RBM39: variants seen among roughly 807,000 people sequenced by gnomAD.
RBM39 encodes the protein RNA binding motif protein 39, also known as RNA-binding protein 39.
RBM39 carries 12 observed loss-of-function variants against 79.6 expected under a neutral mutation model. The ratio of observed to expected loss-of-function variants is 0.15; its 90% CI spans 0.10 to 0.24. The LOEUF is 0.24. Among genes scored for constraint, RBM39 ranks in the 10% least tolerant of loss-of-function variants. The pLI, the probability that RBM39 is intolerant of heterozygous loss-of-function variation, is 1.00. For synonymous variants in RBM39, 185 were observed against 208.4 expected (o/e 0.89, Z 0.97); for missense variants, 243 against 653.4 (o/e 0.37, Z 6.85).
chr20:35,726,830 C>T (rs1600545869), intron 6 of RBM39, among the ~76,000 whole-genome samples: 1 of 151,724 alleles, frequency 6.6e-6, no homozygotes, highest in Admixed American at 6.6e-5. Context: ...GTCACAAAAG[C>T]TTTTTTTTCT....
intron 3 of RBM39, chr20:35,735,217 G>A (rs769364326): frequency 5.7e-5 from 71 of 1,254,636 alleles, no homozygotes; most frequent in African/African-American, 1.8e-4. Context: ...AGAGCTTAAC[G>A]GAATGGACGC....
At chr20:35,718,774 T>C (rs1433998130) in intron 9 of RBM39, among the ~76,000 whole-genome samples, 10 of 143,778 alleles carry the variant, frequency 7.0e-5, no homozygotes, top group Non-Finnish European at 1.3e-4. Flanking sequence ...GATCATGCCA[T>C]TGCACTCCAG....
chr20:35,724,996 CAAT>C, intron 7 of RBM39, 39 bp downstream of exon 7: 2 of 1,349,004 alleles, frequency 1.5e-6, no homozygotes, highest in Non-Finnish European at 2.1e-6. Context: ...TTTTCTCTTG[CAAT>C]TTCTACCTAC....
chr20:35,705,129 TGGAA>T lies in RBM39; in HGVS notation c.1413+92_1413+95del, dbSNP rs1185618235. 7 of 753,884 alleles carry T rather than the reference TGGAA, an allele frequency of 9.3e-6. No individual in the cohort carries two copies. In the African/African-American group the frequency reaches 1.3e-4, roughly 14 times the overall value. 46.7% of individuals were successfully genotyped at this position (753,884 alleles called of 1,614,324 possible). A position where few individuals can be genotyped will look rare whatever the true frequency, so the allele number is the denominator to read the frequency against. ...AGGCACACACACACAAAAACTATAA[TGGAA>T]GACGGTTAACCATAACATGCACCAC... On this transcript the variant is annotated intron_variant, in intron 15 of 16. Coordinates refer to ENST00000253363, the MANE Select transcript of RBM39 (RefSeq NM_184234.3).
intron 13 of RBM39, 38 bp from the exon 14 acceptor site, chr20:35,707,239 T>C (rs769961071): frequency 5.2e-5 from 75 of 1,448,176 alleles, no homozygotes; most frequent in Non-Finnish European, 5.9e-5. Flanking sequence ...TCATGGAAAA[T>C]GCATGAAAGT....
At chr20:35,713,680 A>C (rs1000137611) in intron 11 of RBM39, 6 of 147,716 alleles carry the variant, frequency 4.1e-5, no homozygotes, top group African/African-American at 1.5e-4. Context: ...AAAAAAAAAA[A>C]AAAAAAAAAA....
intron 4 of RBM39, chr20:35,731,555 T>A (rs1346548651): frequency 5.5e-6 from 1 of 180,520 alleles, no homozygotes; most frequent in Non-Finnish European, 1.2e-5. Flanking sequence ...ATCAGAACTT[T>A]ACAATTTTAA....
At chr20:35,709,813 G>A (rs1166460212) in intron 12 of RBM39, among the ~76,000 whole-genome samples, 1 of 151,980 alleles carries the variant, frequency 6.6e-6, no homozygotes, top group African/African-American at 2.4e-5. Context: ...TTTTTTTAAG[G>A]ACTTTTCAAA....
At chr20:35,705,109 C>T in intron 15 of RBM39, 116 bp downstream of exon 15, 1 of 688,102 alleles carries the variant, frequency 1.5e-6, no homozygotes, top group South Asian at 1.7e-5. Flanking sequence ...CTTTCAGGCA[C>T]ACACACACAA....
chr20:35,722,140 G>C (rs927804775), intron 8 of RBM39, among the ~76,000 whole-genome samples: 2 of 152,128 alleles, frequency 1.3e-5, no homozygotes, highest in African/African-American at 4.8e-5. Flanking sequence ...GGGCACGATG[G>C]CTCACACCTG....
intron 6 of RBM39, 28 bp downstream of exon 6, chr20:35,729,284 A>G (rs750378610): frequency 1.3e-6 from 2 of 1,549,098 alleles, no homozygotes; most frequent in Non-Finnish European, 1.7e-6. Context: ...GCTTTTTAAG[A>G]GCTAAAGGCT....
intron 9 of RBM39, among the ~76,000 whole-genome samples, chr20:35,718,962 C>G (rs1909725832): frequency 6.6e-6 from 1 of 151,886 alleles, no homozygotes; most frequent in Admixed American, 6.6e-5. Context: ...GCGCAGGACT[C>G]AGACTCCAAA....
intron 9 of RBM39, among the ~76,000 whole-genome samples, chr20:35,718,622 A>C (rs570709298): frequency 2.0e-5 from 3 of 152,062 alleles, no homozygotes; most frequent in South Asian, 2.1e-4. Flanking sequence ...GACCAGCCTG[A>C]CCAACATGGA....
chr20:35,712,988 G>C (rs369278857), intron 12 of RBM39, 31 bp downstream of exon 12: 4 of 1,569,734 alleles, frequency 2.5e-6, no homozygotes, highest in Admixed American at 4.1e-5. Flanking sequence ...ATGAAAAAAC[G>C]ATTTAAAATT....
intron 4 of RBM39, among the ~76,000 whole-genome samples, chr20:35,730,366 A>G (rs2039232468): frequency 6.6e-6 from 1 of 152,032 alleles, no homozygotes; most frequent in African/African-American, 2.4e-5. Context: ...CGAAATAAAT[A>G]AATACATAGT....
intron 3 of RBM39, chr20:35,734,180 A>AC: frequency 7.7e-7 from 1 of 1,297,920 alleles, no homozygotes; most frequent in Non-Finnish European, 1.0e-6. Flanking sequence ...AAATGAAGAC[A>AC]CCCACCTTCT....
At chr20:35,739,343 A>T in intron 2 of RBM39, 1 of 454,000 alleles carries the variant, frequency 2.2e-6, no homozygotes, top group South Asian at 1.7e-5. Context: ...TAAAACATGA[A>T]GTCCTGTTTT....
intron 3 of RBM39, among the ~76,000 whole-genome samples, chr20:35,738,127 G>T (rs2040160227): frequency 6.6e-6 from 1 of 151,340 alleles, no homozygotes; most frequent in Admixed American, 6.6e-5. Context: ...CTGCACCCCA[G>T]CCTGGGCGAC....
chr20:35,729,228 A>G (rs1197667255), intron 6 of RBM39, 84 bp downstream of exon 6: 1 of 1,247,552 alleles, frequency 8.0e-7, no homozygotes, highest in Non-Finnish European at 1.1e-6. Flanking sequence ...AATATGGTCC[A>G]AATTACTAAA....
Sources: allele counts gnomAD v4.1 joint callset (sites outside exome capture counted in the v4.1 genomes callset), GRCh38; gene constraint gnomAD v4.1.1; transcripts MANE v1.5; gene names NCBI Gene and HGNC (gene_info 2026-07-23, HGNC 2026-07-21).